The following SYCE2 variants were observed in gnomAD, a reference collection of about 807,000 sequenced individuals.
SYCE2 encodes the protein central element synaptonemal complex 1.
A neutral mutation model predicts 27.9 loss-of-function variants in SYCE2; 3 were observed. The ratio of observed to expected loss-of-function variants is 0.11; its 90% CI spans 0.05 to 0.28. The LOEUF is 0.28. Ranked by LOEUF, SYCE2 falls within the 10% of genes least tolerant of loss-of-function variation. SYCE2 has a pLI of 1.00. For synonymous variants in SYCE2, 85 were observed against 100.7 expected, an observed-to-expected ratio of 0.84 and a Z score of 0.93; for missense variants, 207 against 263.5, an observed-to-expected ratio of 0.79 and a Z score of 1.48.
chr19:12,899,545 G>A lies in SYCE2; in HGVS notation c.613-160C>T, dbSNP rs774498014. 23 of 1,613,970 alleles carry A rather than the reference G, an allele frequency of 1.4e-5. No individual in the cohort carries two copies. The African/African-American group carries it at 2.0e-4, about 14-fold the overall frequency. On this transcript the variant is annotated intron_variant, in intron 5 of 5. Transcript: ENST00000293695. ...GGCGTTCACGGCCAGCAAGTGAGCC[G>A]CTCCATCAGGGGCCCGAAACTCTCA... is the stretch of plus-strand genomic sequence containing the variant.
intron 2 of SYCE2, among the ~76,000 whole-genome samples, chr19:12,905,056 G>A (rs181035081): frequency 1.3e-5 from 2 of 151,762 alleles, no homozygotes; most frequent in African/African-American, 2.4e-5. Context: ...TTCCAAGAGC[G>A]GCTGATCTGA....
intron 2 of SYCE2, among the ~76,000 whole-genome samples, chr19:12,905,642 T>A (rs1215889569): frequency 6.7e-6 from 1 of 149,800 alleles, no homozygotes; most frequent in African/African-American, 2.5e-5. Context: ...AATGCTTTCT[T>A]TCTTATTTTC....
intron 2 of SYCE2, among the ~76,000 whole-genome samples, chr19:12,912,736 G>A (rs1386096909): frequency 6.6e-6 from 1 of 151,718 alleles, no homozygotes; most frequent in Non-Finnish European, 1.5e-5. Flanking sequence ...AGGCTCAAGG[G>A]ATGAGGCTGG....
chr19:12,912,683 C>T (rs137887367), intron 2 of SYCE2, among the ~76,000 whole-genome samples: 1,963 of 152,058 alleles, frequency 0.013, 23 homozygotes, highest in Admixed American at 0.027. Flanking sequence ...TGATTGTTCA[C>T]AACCTGCTTG....
At chr19:12,915,819 G>A (rs1239398680) in intron 2 of SYCE2, among the ~76,000 whole-genome samples, 2 of 151,878 alleles carry the variant, frequency 1.3e-5, no homozygotes, top group African/African-American at 2.4e-5. Context: ...CAGGGACTTC[G>A]CACGAGCTCT....
Position 12,899,140 on chromosome 19 carries a change from G to A in SYCE2, c.*201C>T. On this transcript the variant is annotated 3_prime_UTR_variant, in exon 6 of 6. Coordinates refer to ENST00000293695, the MANE Select transcript of SYCE2 (RefSeq NM_001105578.2). The stretch of plus-strand genomic sequence containing the variant: ...GGGTGGGGAGAACTTGCCAAGGGTG[G>A]GGAGCACGAAGCCTGGGCCTATGGC... 1 of 596,618 alleles carries A rather than the reference G, an allele frequency of 1.7e-6. No individual in the cohort carries two copies. The highest frequency in any genetic ancestry group is 2.0e-5 in the South Asian group (1 of 49,406). The allele number at this position is 596,618 out of a possible 1,614,324, so 37.0% of individuals were successfully genotyped here.
chr19:12,918,570 G>T (rs1415540213), intron 1 of SYCE2, among the ~76,000 whole-genome samples: 2 of 152,186 alleles, frequency 1.3e-5, no homozygotes, highest in Non-Finnish European at 2.9e-5. Flanking sequence ...CCGGGTGAGG[G>T]CAGGGCTGTG....
intron 3 of SYCE2, among the ~76,000 whole-genome samples, chr19:12,902,601 C>T (rs184887192): frequency 6.6e-6 from 1 of 152,178 alleles, no homozygotes; most frequent in Admixed American, 6.6e-5. Flanking sequence ...TGCCACTGCT[C>T]TGTAAGCCTG....
Position 12,900,129 on chromosome 19 carries a change from AAG to A in SYCE2, c.496-11_496-10del. 8 of 1,599,824 alleles carry A rather than the reference AAG, an allele frequency of 5.0e-6. No homozygotes were observed. The highest frequency in any genetic ancestry group is 6.8e-6 in the Non-Finnish European group (8 of 1,175,388). On this transcript the variant is annotated splice_polypyrimidine_tract_variant and intron_variant, in intron 4 of 5. Coordinates refer to ENST00000293695, the MANE Select transcript of SYCE2 (RefSeq NM_001105578.2). ...CTGAGTCTTAGGCTCTGCTGTAAAAAAGAAACCCAGGTTAGCAGTGCCGGTCT... is the reference window on the plus strand; with the variant it reads ...CTGAGTCTTAGGCTCTGCTGTAAAAAAAACCCAGGTTAGCAGTGCCGGTCT...
chr19:12,916,656 A>G (rs75236988), intron 2 of SYCE2, among the ~76,000 whole-genome samples: 1,804 of 152,200 alleles, frequency 0.012, 40 homozygotes, highest in African/African-American at 0.041. Context: ...AGTGCAGTGA[A>G]GCAATCACGT....
chr19:12,911,615 C>CT (rs71168633), intron 2 of SYCE2, among the ~76,000 whole-genome samples: 4,274 of 103,640 alleles, frequency 0.041, 168 homozygotes, highest in African/African-American at 0.067. Context: ...TAATTTTTGC[C>CT]TTTTTTTTTT....
rs1970759873 is a variant in SYCE2, at chr19:12,898,803, T to C, written c.*538A>G. The C allele has an allele frequency of 5.9e-6, 1 of 169,456 alleles. No individual in the cohort carries two copies. The highest frequency in any genetic ancestry group is 1.3e-5 in the Non-Finnish European group (1 of 77,570). The allele number at this position is 169,456 out of a possible 1,614,324, so 10.5% of individuals were successfully genotyped here. On this transcript the variant is annotated 3_prime_UTR_variant, in exon 6 of 6. Transcript: ENST00000293695. Reference sequence around the variant, plus strand: ...TCTATATTTAAAAAAAATAGGTTTGTACTTTAGGAAGTAAACAGAATTGGC... The same window carrying C: ...TCTATATTTAAAAAAAATAGGTTTGCACTTTAGGAAGTAAACAGAATTGGC...
At chr19:12,918,435 G>T in intron 1 of SYCE2, 98 bp from the exon 2 acceptor site, 1 of 1,132,472 alleles carries the variant, frequency 8.8e-7, no homozygotes, top group Non-Finnish European at 1.3e-6. Flanking sequence ...TCGATGTGCT[G>T]CTGCGGGACG....
At position 12,906,781 on chromosome 19, in the gene SYCE2, G is replaced by A. The variant is rs564056803; in HGVS notation, c.132-2115C>T. Among the ~76,000 whole-genome samples the A allele has an allele frequency of 3.3e-5, 5 of 152,178 alleles. No individual in the cohort carries two copies. In the South Asian group the frequency reaches 8.3e-4, roughly 25 times the overall value. ...AAATTAGCCAGGCGCAGTGGCAGGCGCCTGTAATCCCAGCTACTCAGGAGG... is the reference window on the plus strand; with the variant it reads ...AAATTAGCCAGGCGCAGTGGCAGGCACCTGTAATCCCAGCTACTCAGGAGG... On this transcript the variant is annotated intron_variant, in intron 2 of 5. Coordinates refer to ENST00000293695, the MANE Select transcript of SYCE2 (RefSeq NM_001105578.2).
Position 12,905,015 on chromosome 19 carries a change from A to AT in SYCE2, c.132-350_132-349insA, listed in dbSNP as rs552888637. 4.3e-3 allele frequency among the ~76,000 whole-genome samples: 644 copies of AT among 150,810 alleles called. 4 individuals are homozygous for AT. The highest frequency in any genetic ancestry group is 0.014 in the African/African-American group (587 of 41,064). ...CGAGACTCCGTCTAAAAAAAAAAAAAGGACAGGATGCTGAGATCAGCACCA... is the reference window on the plus strand; with the variant it reads ...CGAGACTCCGTCTAAAAAAAAAAAAATGGACAGGATGCTGAGATCAGCACCA... On this transcript the variant is annotated intron_variant, in intron 2 of 5. Transcript: ENST00000293695.
At position 12,901,861 on chromosome 19, in the gene SYCE2, C is replaced by T. The variant is rs948456661; in HGVS notation, c.307-1213G>A. Among the ~76,000 whole-genome samples the T allele has an allele frequency of 2.0e-5, 3 of 152,226 alleles. No individual in the cohort carries two copies. The East Asian group carries it at 5.8e-4, about 30-fold the overall frequency. ...CCAACTCCTGACCTCAGGAGATCCC[C>T]ACCTTCAGCCTCCCAAAGTGCTGGG... On this transcript the variant is annotated intron_variant, in intron 3 of 5. Coordinates refer to ENST00000293695, the MANE Select transcript of SYCE2 (RefSeq NM_001105578.2).
intron 4 of SYCE2, 157 bp downstream of exon 4, chr19:12,900,303 G>C: frequency 9.4e-7 from 1 of 1,060,296 alleles, no homozygotes; most frequent in Admixed American, 2.8e-5. Flanking sequence ...TGTTATAGGG[G>C]ATCACAAACA....
chr19:12,900,227 A>G (rs991313967), intron 4 of SYCE2, 107 bp from the exon 5 acceptor site: 1 of 1,343,940 alleles, frequency 7.4e-7, no homozygotes, highest in African/African-American at 1.5e-5. Flanking sequence ...CCTTTCTGTC[A>G]CCACAGAGCT....
intron 2 of SYCE2, among the ~76,000 whole-genome samples, chr19:12,916,720 C>A (rs1321388472): frequency 1.3e-5 from 2 of 152,172 alleles, no homozygotes; most frequent in East Asian, 3.9e-4. Context: ...CTCAGCCTTC[C>A]AAGTAGCTAG....
Sources: allele counts gnomAD v4.1 joint callset (sites outside exome capture counted in the v4.1 genomes callset), GRCh38; gene constraint gnomAD v4.1.1; transcripts MANE v1.5; gene names NCBI Gene and HGNC (gene_info 2026-07-23, HGNC 2026-07-21).